Variants in DCDC1 observed in about 807,000 individuals in gnomAD.
The protein encoded by DCDC1 is doublecortin domain-containing protein 1.
A neutral mutation model predicts 178.3 loss-of-function variants in DCDC1; 200 were observed. The ratio of observed to expected loss-of-function variants is 1.12; its 90% CI spans 1.00 to 1.26. DCDC1 has a LOEUF of 1.26. Among genes scored for constraint, DCDC1 ranks in the 50% most tolerant of loss-of-function variants. The pLI, the probability that DCDC1 is intolerant of heterozygous loss-of-function variation, is 0.00. For synonymous variants in DCDC1, 690 were observed against 604.8 expected, an observed-to-expected ratio of 1.14 and a Z score of -2.07; for missense variants, 1,983 against 1,749.2, an observed-to-expected ratio of 1.13 and a Z score of -2.38.
At chr11:31,055,017 C>T (rs962096965) in intron 20 of DCDC1, among the ~76,000 whole-genome samples, 5 of 152,068 alleles carry the variant, frequency 3.3e-5, no homozygotes, top group African/African-American at 4.8e-5. Flanking sequence ...AGCTTTCGCA[C>T]GGCAAAAGGA....
rs1590386045 is a variant in DCDC1, at chr11:30,925,510, C to T, written c.2898-102G>A. On this transcript the variant is annotated intron_variant, in intron 22 of 38. Transcript: ENST00000684477. The stretch of plus-strand genomic sequence containing the variant: ...GGGGCCTGAATCCATAATGACAACT[C>T]TCTCTGCAGGACTGTTAGTCATGAG... 3.0e-6 allele frequency: 3 copies of T among 989,912 alleles called. No homozygotes were observed. The East Asian group carries it at 7.2e-5, about 24-fold the overall frequency. 61.3% of individuals were successfully genotyped at this position (989,912 alleles called of 1,614,324 possible). A position where few individuals can be genotyped will look rare whatever the true frequency, so the allele number is the denominator to read the frequency against.
intron 8 of DCDC1, among the ~76,000 whole-genome samples, chr11:31,254,555 C>T (rs558578347): frequency 1.1e-4 from 16 of 152,292 alleles, no homozygotes; most frequent in African/African-American, 3.6e-4. Flanking sequence ...ATATTTGGTA[C>T]ATATTGCCAC....
intron 1 of DCDC1, among the ~76,000 whole-genome samples, chr11:31,360,769 T>C (rs1210050749): frequency 2.0e-5 from 3 of 152,136 alleles, no homozygotes; most frequent in African/African-American, 7.2e-5. Context: ...AGGATTGACT[T>C]AAAAGTCTAG....
intron 20 of DCDC1, among the ~76,000 whole-genome samples, chr11:31,040,312 G>A (rs1439495405): frequency 6.6e-6 from 1 of 152,148 alleles, no homozygotes; most frequent in Non-Finnish European, 1.5e-5. Flanking sequence ...CACAATATTT[G>A]CACAATGGAT....
intron 20 of DCDC1, among the ~76,000 whole-genome samples, chr11:31,060,412 G>GA (rs1362803347): frequency 6.6e-6 from 1 of 152,016 alleles, no homozygotes; most frequent in Non-Finnish European, 1.5e-5. Flanking sequence ...TTATACTTCA[G>GA]AAAAACCAAG....
intron 17 of DCDC1, among the ~76,000 whole-genome samples, chr11:31,078,724 G>T (rs1590967502): frequency 6.6e-6 from 1 of 152,230 alleles, no homozygotes; most frequent in South Asian, 2.1e-4. Context: ...AGAATATGAA[G>T]AATTCATAGG....
rs180855883 is a variant in DCDC1, at chr11:31,055,588, T to C, written c.2591+8881A>G. On this transcript the variant is annotated intron_variant, in intron 20 of 38. Coordinates refer to ENST00000684477, the MANE Select transcript of DCDC1 (RefSeq NM_001387274.1). Reference sequence around the variant, plus strand: ...GCAGCACAATTTGCAATTGCAGAATTGTGGAACCAACCCAAATGCCCATAA... The same window carrying C: ...GCAGCACAATTTGCAATTGCAGAATCGTGGAACCAACCCAAATGCCCATAA... 2.0e-3 allele frequency among the ~76,000 whole-genome samples: 304 copies of C among 152,318 alleles called. 1 individual carries two copies. Among genetic ancestry groups the C allele is most frequent in the African/African-American group, 6.8e-3 (282 of 41,588 alleles).
intron 11 of DCDC1, among the ~76,000 whole-genome samples, chr11:31,120,721 C>A (rs755886091): frequency 6.6e-6 from 1 of 152,128 alleles, no homozygotes; most frequent in Non-Finnish European, 1.5e-5. Flanking sequence ...ATCTTCCTCT[C>A]ATTCCCTCAT....
In DCDC1 at chr11:30,944,395, C is replaced by T. The variant is rs187108600; in HGVS notation, c.2715+8050G>A. ...AATAGTAAAGTTGGAAACTTAAATC[C>T]GGTATAAAATTATTATTTATGCTTA... On this transcript the variant is annotated intron_variant, in intron 21 of 38. Coordinates refer to ENST00000684477, the MANE Select transcript of DCDC1 (RefSeq NM_001387274.1). The T allele has an allele frequency of 3.7e-4, 168 of 453,418 alleles. 1 individual carries two copies. Among genetic ancestry groups the T allele is most frequent in the South Asian group, 1.7e-3 (109 of 64,018 alleles). 28.1% of individuals were successfully genotyped at this position (453,418 alleles called of 1,614,324 possible).
chr11:31,063,167 G>A (rs1400209119), intron 20 of DCDC1, among the ~76,000 whole-genome samples: 1 of 152,020 alleles, frequency 6.6e-6, no homozygotes, highest in African/African-American at 2.4e-5. Flanking sequence ...TCTCACACCA[G>A]TTAGAATGGC....
At chr11:31,308,004 A>G in intron 3 of DCDC1, 96 bp from the exon 4 acceptor site, 1 of 1,467,384 alleles carries the variant, frequency 6.8e-7, no homozygotes, top group Non-Finnish European at 9.3e-7. Context: ...TATGTGCTAC[A>G]CAAAATACTA....
intron 17 of DCDC1, among the ~76,000 whole-genome samples, chr11:31,089,757 GT>G (rs1416181443): frequency 3.3e-5 from 5 of 151,832 alleles, no homozygotes; most frequent in African/African-American, 4.8e-5. Context: ...ATATATTGTA[GT>G]TTTAATCTCT....
intron 6 of DCDC1, among the ~76,000 whole-genome samples, chr11:31,297,238 G>A (rs1450871130): frequency 6.6e-6 from 1 of 152,152 alleles, no homozygotes; most frequent in Non-Finnish European, 1.5e-5. Context: ...TGAGTGGAGT[G>A]AGTAGCAACA....
intron 18 of DCDC1, among the ~76,000 whole-genome samples, chr11:31,072,368 G>T (rs1956619926): frequency 6.6e-6 from 1 of 151,988 alleles, no homozygotes; most frequent in Non-Finnish European, 1.5e-5. Flanking sequence ...ATGTTGCAAA[G>T]ATTTTCCCCA....
intron 8 of DCDC1, among the ~76,000 whole-genome samples, chr11:31,259,218 T>A (rs1035901323): frequency 6.6e-6 from 1 of 152,022 alleles, no homozygotes; most frequent in Non-Finnish European, 1.5e-5. Context: ...CTGTGCATGG[T>A]GGCAGGTGCC....
chr11:31,189,220 C>T (rs1160511488), intron 9 of DCDC1, among the ~76,000 whole-genome samples: 1 of 152,092 alleles, frequency 6.6e-6, no homozygotes, highest in East Asian at 1.9e-4. Flanking sequence ...TTATCCAAGG[C>T]CATGGAAAGG....
chr11:31,210,038 A>G (rs999495104), intron 9 of DCDC1, among the ~76,000 whole-genome samples: 15 of 152,184 alleles, frequency 9.9e-5, no homozygotes, highest in African/African-American at 3.6e-4. Flanking sequence ...CATGTCTACC[A>G]GTGTCTGCTA....
rs530144479 is a variant in DCDC1, at chr11:31,040,882, A to G, written c.2591+23587T>C. Among the ~76,000 whole-genome samples, 5 of 152,186 alleles carry G rather than the reference A, an allele frequency of 3.3e-5. No homozygotes were observed. The East Asian group carries it at 7.7e-4, about 24-fold the overall frequency. On this transcript the variant is annotated intron_variant, in intron 20 of 38. Coordinates refer to ENST00000684477, the MANE Select transcript of DCDC1 (RefSeq NM_001387274.1). ...GGGTCAATAGCATCAATAAGTTGCA[A>G]CTCCTCTGGGGTTGATGTGGTGAAG...
intron 36 of DCDC1, among the ~76,000 whole-genome samples, chr11:30,890,493 G>C (rs1297491531): frequency 6.6e-6 from 1 of 152,148 alleles, no homozygotes; most frequent in African/African-American, 2.4e-5. Context: ...GGTGGGTACT[G>C]TGCTCCACTT....
Sources: allele counts gnomAD v4.1 joint callset (sites outside exome capture counted in the v4.1 genomes callset), GRCh38; gene constraint gnomAD v4.1.1; transcripts MANE v1.5; gene names NCBI Gene and HGNC (gene_info 2026-07-23, HGNC 2026-07-21).